Variants in TMEM132D observed in about 807,000 individuals in gnomAD.
The protein encoded by TMEM132D is mature OL transmembrane protein.
TMEM132D carries 21 observed loss-of-function variants against 62.3 expected under a neutral mutation model. The ratio of observed to expected loss-of-function variants is 0.34; its 90% CI spans 0.24 to 0.49. The LOEUF (loss-of-function observed/expected upper bound fraction) is 0.49. TMEM132D is among the 20% of genes least tolerant of loss of function. The probability of loss-of-function intolerance (pLI) is 0.99; values close to 1 mark genes in which losing one functional copy is unlikely to be tolerated. For missense variants in TMEM132D, 1,346 were observed against 1,402.8 expected, an observed-to-expected ratio of 0.96 and a Z score of 0.65; for synonymous variants, 621 against 575.6, an observed-to-expected ratio of 1.08 and a Z score of -1.13.
At chr12:129,901,379 G>T (rs570240276) in intron 1 of TMEM132D, among the ~76,000 whole-genome samples, 1 of 152,254 alleles carries the variant, frequency 6.6e-6, no homozygotes, top group East Asian at 1.9e-4. Context: ...GCTAATAGGG[G>T]TGTTGATTTT....
intron 2 of TMEM132D, among the ~76,000 whole-genome samples, chr12:129,552,475 CTAT>C (rs1431887518): frequency 6.6e-6 from 1 of 151,902 alleles, no homozygotes; most frequent in Non-Finnish European, 1.5e-5. Flanking sequence ...TATTCATTAT[CTAT>C]TATCTCTCTA....
At chr12:129,789,641 AG>A (rs1469592206) in intron 1 of TMEM132D, among the ~76,000 whole-genome samples, 1 of 152,238 alleles carries the variant, frequency 6.6e-6, no homozygotes, top group Non-Finnish European at 1.5e-5. Flanking sequence ...GGTTGAAGAA[AG>A]GAGACCACTT....
intron 2 of TMEM132D, among the ~76,000 whole-genome samples, chr12:129,693,856 C>T (rs1881126116): frequency 2.0e-5 from 3 of 152,184 alleles, no homozygotes; most frequent in Non-Finnish European, 4.4e-5. Flanking sequence ...TATGAACAAG[C>T]TTGTGCAGCT....
chr12:129,178,928 G>A (rs547188584), intron 5 of TMEM132D, among the ~76,000 whole-genome samples: 12 of 152,276 alleles, frequency 7.9e-5, no homozygotes, highest in African/African-American at 2.9e-4. Flanking sequence ...TTGTGCAGCG[G>A]GGCTTTTGCT....
chr12:129,710,300 A>ATTTG (rs1881609469), intron 1 of TMEM132D, among the ~76,000 whole-genome samples: 1 of 151,542 alleles, frequency 6.6e-6, no homozygotes, highest in Non-Finnish European at 1.5e-5. Flanking sequence ...TTATTTATTT[A>ATTTG]TTTATTTATT....
At chr12:129,809,783 G>T (rs946564747) in intron 1 of TMEM132D, among the ~76,000 whole-genome samples, 1 of 152,100 alleles carries the variant, frequency 6.6e-6, no homozygotes, top group Non-Finnish European at 1.5e-5. Flanking sequence ...AAATATACAT[G>T]ATGAAAAGTA....
chr12:129,471,210 T>TA (rs1491109284), intron 3 of TMEM132D, among the ~76,000 whole-genome samples: 1 of 8,412 alleles, frequency 1.2e-4, no homozygotes, highest in Non-Finnish European at 2.7e-4. Context: ...TAGATATTAC[T>TA]TTTTTTTTTT....
intron 2 of TMEM132D, 96 bp downstream of exon 2, chr12:129,699,714 C>A (rs1881328566): frequency 6.8e-7 from 1 of 1,468,122 alleles, no homozygotes; most frequent in African/African-American, 1.4e-5. Flanking sequence ...GGCTCTACTT[C>A]GGTGAGCGAT....
chr12:129,375,678 C>A (rs1367627971), intron 3 of TMEM132D, among the ~76,000 whole-genome samples: 1 of 152,098 alleles, frequency 6.6e-6, no homozygotes, highest in East Asian at 1.9e-4. Context: ...GAATCATACA[C>A]CAGGACATCA....
intron 5 of TMEM132D, among the ~76,000 whole-genome samples, chr12:129,087,109 T>C (rs949985320): frequency 6.6e-6 from 1 of 152,120 alleles, no homozygotes; most frequent in Admixed American, 6.6e-5. Context: ...ACTGAAACTT[T>C]CTATCTTTGA....
rs779049148 is a variant in TMEM132D at position 129,779,947 on chromosome 12, C to T, written c.80-79249G>A. ...TCCAGAAATCCTTACAACCATCCTC[C>T]GAGAAAGCACTGTCAGCCCCATTTC... On this transcript the variant is annotated intron_variant, in intron 1 of 8. Transcript: ENST00000422113. The surrounding 1 kb of genome is among the most constrained non-coding windows in gnomAD (Gnocchi z 4.1). 1.1e-4 allele frequency among the ~76,000 whole-genome samples: 16 copies of T among 152,158 alleles called. No individual in the cohort carries two copies. The highest frequency in any genetic ancestry group is 1.5e-4 in the Non-Finnish European group (10 of 67,996).
chr12:129,348,989 C>T lies in TMEM132D; in HGVS notation c.1116-11172G>A, dbSNP rs114350408. The stretch of plus-strand genomic sequence containing the variant: ...ACCCATTGTAATGGGCCTCAGTCAT[C>T]CCAAAACTGTACTGTCAAGGGGACA... On this transcript the variant is annotated intron_variant, in intron 3 of 8. Transcript: ENST00000422113. Among the ~76,000 whole-genome samples the T allele has an allele frequency of 9.3e-3, 1,423 of 152,296 alleles. 23 individuals are homozygous for T. Among genetic ancestry groups the T allele is most frequent in the African/African-American group, 0.033 (1,364 of 41,558 alleles).
At position 129,081,998 on chromosome 12, in the gene TMEM132D, C is replaced by T. The variant is rs1357904653; in HGVS notation, c.1684G>A (p.Glu562Lys). The T allele has an allele frequency of 6.8e-6, 11 of 1,611,788 alleles. No individual in the cohort carries two copies. Among genetic ancestry groups the T allele is most frequent in the Non-Finnish European group, 9.3e-6 (11 of 1,178,640 alleles). ...AGGGTGCAGCCGCGGCCCCTCCGCT[C>T]ATCATCCTCCTCCTCTTCACTGTCC... ...AGDSEEEEDD[E>K]RRGRGCTLQY... The change falls in exon 7 of 9, where the codon GAG becomes AAG. Residue 562 changes from glutamate (E) to lysine (K), a missense_variant. By Grantham distance (56) the Glu-to-Lys change is moderately conservative (BLOSUM62 1). Coordinates refer to ENST00000422113, the MANE Select transcript of TMEM132D (RefSeq NM_133448.3).
chr12:129,265,679 C>T (rs1203717298), intron 4 of TMEM132D, among the ~76,000 whole-genome samples: 2 of 152,024 alleles, frequency 1.3e-5, no homozygotes, highest in Non-Finnish European at 2.9e-5. Context: ...GGCTCCTCAA[C>T]ACCCTCCCAC....
At chr12:129,656,567 ACT>A (rs1245845747) in intron 2 of TMEM132D, among the ~76,000 whole-genome samples, 8 of 151,974 alleles carry the variant, frequency 5.3e-5, no homozygotes, top group Non-Finnish European at 1.2e-4. Context: ...GTAAAGCATG[ACT>A]CTGGCCAGAT....
intron 5 of TMEM132D, among the ~76,000 whole-genome samples, chr12:129,189,605 G>A (rs1230817620): frequency 6.6e-6 from 1 of 152,162 alleles, no homozygotes; most frequent in Non-Finnish European, 1.5e-5. Context: ...AAGGCTGGGA[G>A]TCCCCACGGG....
intron 2 of TMEM132D, among the ~76,000 whole-genome samples, chr12:129,661,002 C>T (rs1334386559): frequency 3.3e-5 from 5 of 152,166 alleles, no homozygotes; most frequent in African/African-American, 1.2e-4. Flanking sequence ...TTTCTCCAGT[C>T]TTACTGAATC....
chr12:129,660,734 ACTC>A (rs1194124480), intron 2 of TMEM132D, among the ~76,000 whole-genome samples: 1 of 151,850 alleles, frequency 6.6e-6, no homozygotes, highest in Non-Finnish European at 1.5e-5. Context: ...TAATGACAAT[ACTC>A]CTGTCTTGTG....
intron 2 of TMEM132D, among the ~76,000 whole-genome samples, chr12:129,670,730 C>A (rs1248711641): frequency 6.6e-6 from 1 of 152,184 alleles, no homozygotes; most frequent in Non-Finnish European, 1.5e-5. Flanking sequence ...TGAATCGGCT[C>A]TGTCTAGGCA....
Sources: allele counts gnomAD v4.1 joint callset (sites outside exome capture counted in the v4.1 genomes callset), GRCh38; gene constraint gnomAD v4.1.1; non-coding constraint Gnocchi (gnomAD v3.1); transcripts MANE v1.5; gene names NCBI Gene and HGNC (gene_info 2026-07-23, HGNC 2026-07-21).